The following CDH18 variants were observed in gnomAD, a reference collection of about 807,000 sequenced individuals.
CDH18 encodes cadherin-18.
In CDH18, 31 loss-of-function variants were observed where a neutral mutation model predicts 67.9. The ratio of observed to expected loss-of-function variants is 0.46; its 90% CI spans 0.34 to 0.62. The LOEUF (loss-of-function observed/expected upper bound fraction) is 0.62. Ranked by LOEUF, CDH18 falls within the 20% of genes least tolerant of loss-of-function variation. The pLI, the probability that CDH18 is intolerant of heterozygous loss-of-function variation, is 0.01. For missense variants in CDH18, 890 were observed against 975.5 expected, an observed-to-expected ratio of 0.91 and a Z score of 1.17; for synonymous variants, 362 against 347.2, an observed-to-expected ratio of 1.04 and a Z score of -0.48.
chr5:20,167,578 G>A (rs933272587), intron 2 of CDH18, among the ~76,000 whole-genome samples: 16 of 152,278 alleles, frequency 1.1e-4, no homozygotes, highest in South Asian at 2.1e-4. Flanking sequence ...AGGCAATGGC[G>A]TTAGTTTGGG....
At chr5:20,219,532 A>G (rs1015171517) in intron 2 of CDH18, among the ~76,000 whole-genome samples, 1 of 149,218 alleles carries the variant, frequency 6.7e-6, no homozygotes. Flanking sequence ...AAAAAAAAAG[A>G]AAAAAACAAA....
chr5:20,205,484 A>G (rs1319926169), intron 2 of CDH18, among the ~76,000 whole-genome samples: 1 of 151,874 alleles, frequency 6.6e-6, no homozygotes, highest in African/African-American at 2.4e-5. Context: ...TCAGAAAGAA[A>G]ATCAATAAAG....
chr5:19,704,340 T>C (rs1339477104), intron 5 of CDH18, among the ~76,000 whole-genome samples: 1 of 152,158 alleles, frequency 6.6e-6, no homozygotes, highest in Non-Finnish European at 1.5e-5. Flanking sequence ...AGTAGTTATA[T>C]TTTGCTCTGT....
intron 1 of CDH18, among the ~76,000 whole-genome samples, chr5:20,307,422 A>C (rs1736568698): frequency 6.6e-6 from 1 of 152,220 alleles, no homozygotes; most frequent in South Asian, 2.1e-4. Flanking sequence ...TGTCAACAAG[A>C]GACATATAAC....
At chr5:19,737,887 A>AT (rs1372071176) in intron 4 of CDH18, among the ~76,000 whole-genome samples, 8 of 152,190 alleles carry the variant, frequency 5.3e-5, no homozygotes, top group Admixed American at 2.6e-4. Flanking sequence ...CAATTTTGAG[A>AT]TTTTTTGCTT....
At chr5:19,837,488 T>A (rs1321198033) in intron 3 of CDH18, among the ~76,000 whole-genome samples, 1 of 152,162 alleles carries the variant, frequency 6.6e-6, no homozygotes, top group Non-Finnish European at 1.5e-5. Context: ...TTTGATGTTA[T>A]TACATTTTTA....
chr5:19,670,304 GA>G (rs2150347486), intron 5 of CDH18, among the ~76,000 whole-genome samples: 1 of 152,154 alleles, frequency 6.6e-6, no homozygotes, highest in South Asian at 2.1e-4. Context: ...GTTTTCATAT[GA>G]AAATTCTAAG....
At chr5:20,101,138 T>G (rs1308982155) in intron 2 of CDH18, among the ~76,000 whole-genome samples, 1 of 151,982 alleles carries the variant, frequency 6.6e-6, no homozygotes, top group African/African-American at 2.4e-5. Flanking sequence ...CAGTTTTTAT[T>G]TTTTGTAGAG....
chr5:19,942,516 C>T (rs1434302853), intron 2 of CDH18, among the ~76,000 whole-genome samples: 5 of 152,132 alleles, frequency 3.3e-5, no homozygotes, highest in African/African-American at 4.8e-5. Context: ...GAAAATATGT[C>T]CATTCTACAA....
At chr5:20,549,944 C>A (rs115120300) in intron 1 of CDH18, among the ~76,000 whole-genome samples, 2,597 of 152,186 alleles carry the variant, frequency 0.017, 36 homozygotes, top group African/African-American at 0.029. Flanking sequence ...ATATCAGTGA[C>A]CTTTTTGAGT....
chr5:19,649,582 T>G (rs1411311674), intron 5 of CDH18, among the ~76,000 whole-genome samples: 1 of 152,026 alleles, frequency 6.6e-6, no homozygotes, highest in Non-Finnish European at 1.5e-5. Flanking sequence ...GGTTTTCCCT[T>G]CACAACTACT....
At chr5:19,729,216 T>TAGTC (rs10686606) in intron 4 of CDH18, among the ~76,000 whole-genome samples, 146,988 of 152,150 alleles carry the variant, frequency 0.97, 71,194 homozygotes, top group Middle Eastern at 1. Context: ...GAAAAAATAA[T>TAGTC]AGGGAAATAA....
chr5:20,020,245 A>C (rs1738286233), intron 2 of CDH18, among the ~76,000 whole-genome samples: 1 of 152,204 alleles, frequency 6.6e-6, no homozygotes, highest in Admixed American at 6.5e-5. Flanking sequence ...GCAGAGCATA[A>C]AAGTTCAGAA....
intron 2 of CDH18, among the ~76,000 whole-genome samples, chr5:19,931,263 T>C (rs1342684168): frequency 6.6e-6 from 1 of 151,936 alleles, no homozygotes; most frequent in Non-Finnish European, 1.5e-5. Flanking sequence ...CTAATCTGAG[T>C]TGTGATTTCA....
chr5:19,620,588 G>C (rs747033432), intron 5 of CDH18, among the ~76,000 whole-genome samples: 2 of 151,988 alleles, frequency 1.3e-5, no homozygotes, highest in Non-Finnish European at 2.9e-5. Flanking sequence ...AATGAGAGAG[G>C]GGGGACATGA....
chr5:20,309,198 T>C (rs1050725275), intron 1 of CDH18, among the ~76,000 whole-genome samples: 2 of 152,206 alleles, frequency 1.3e-5, no homozygotes, highest in Non-Finnish European at 2.9e-5. Context: ...GAGAAAATTG[T>C]CTTGTTTCAC....
intron 1 of CDH18, among the ~76,000 whole-genome samples, chr5:20,365,797 C>G (rs1031032797): frequency 6.6e-6 from 1 of 151,966 alleles, no homozygotes; most frequent in African/African-American, 2.4e-5. Flanking sequence ...TTTTTGGTTT[C>G]ATTTTTTATT....
rs562898265 is a variant in CDH18, at chr5:20,421,344, C to T, written c.-580+154118G>A. 1.2e-4 allele frequency among the ~76,000 whole-genome samples: 17 copies of T among 146,824 alleles called. 2 individuals are homozygous for T. In the East Asian group the frequency reaches 1.4e-3, roughly 12 times the overall value. ...ACGTATCCACTTTTAACCTTGATGA[C>T]GATTGAGAAAACAATCACTTGGTTT... is the stretch of plus-strand genomic sequence containing the variant. On this transcript the variant is annotated intron_variant, in intron 1 of 14. Coordinates refer to the CDH18 transcript ENST00000507958.
chr5:19,623,032 A>T (rs984937668), intron 5 of CDH18, among the ~76,000 whole-genome samples: 6 of 152,126 alleles, frequency 3.9e-5, no homozygotes, highest in African/African-American at 1.4e-4. Context: ...TTGTGTACCT[A>T]CCATGTCCTC....
Sources: allele counts gnomAD v4.1 joint callset (sites outside exome capture counted in the v4.1 genomes callset), GRCh38; gene constraint gnomAD v4.1.1; transcripts MANE v1.5; gene names NCBI Gene and HGNC (gene_info 2026-07-23, HGNC 2026-07-21).